The following SLC9A2 variants were observed in gnomAD, a reference collection of about 807,000 sequenced individuals.
The protein encoded by SLC9A2 is sodium/hydrogen exchanger 2.
A neutral mutation model predicts 71.7 loss-of-function variants in SLC9A2; 42 were observed. The ratio of observed to expected loss-of-function variants is 0.59; its 90% confidence interval spans 0.46 to 0.76. SLC9A2 has a LOEUF of 0.76. Among genes scored for constraint, SLC9A2 ranks in the 30% least tolerant of loss-of-function variants. The pLI, the probability that SLC9A2 is intolerant of heterozygous loss-of-function variation, is 0.00. For synonymous variants in SLC9A2, 396 were observed against 392.5 expected (o/e 1.01, Z -0.10); for missense variants, 829 against 1,017.4 (o/e 0.81, Z 2.52).
intron 7 of SLC9A2, among the ~76,000 whole-genome samples, chr2:102,697,838 T>A (rs1200670051): frequency 1.3e-5 from 2 of 151,852 alleles, no homozygotes; most frequent in African/African-American, 4.8e-5. Flanking sequence ...GGAATCCTTA[T>A]GCTGTGGATT....
At position 102,619,741 on chromosome 2, in the gene SLC9A2, C is replaced by T. The variant is rs867065800; in HGVS notation, c.-108C>T. ...CAGCAGCGGCGGGTGGCTGTCGCTG[C>T]CCTGCCCTGCACGGGGCAGGGCGGA... On this transcript the variant is annotated 5_prime_UTR_variant, in exon 1 of 12. Transcript: ENST00000233969. The surrounding 1 kb of genome is among the most constrained non-coding windows in gnomAD (Gnocchi z 4.3). 13 of 1,054,404 alleles carry T rather than the reference C, an allele frequency of 1.2e-5. No individual in the cohort carries two copies. In the Middle Eastern group the frequency reaches 2.3e-3, roughly 184 times the overall value. 65.3% of individuals were successfully genotyped at this position (1,054,404 alleles called of 1,614,324 possible).
chr2:102,677,336 C>T (rs540281806), intron 3 of SLC9A2, among the ~76,000 whole-genome samples: 1 of 152,238 alleles, frequency 6.6e-6, no homozygotes, highest in Non-Finnish European at 1.5e-5. Flanking sequence ...CTATAGCTGG[C>T]CTGAATTGTC....
At chr2:102,674,836 T>A (rs1228600883) in intron 3 of SLC9A2, among the ~76,000 whole-genome samples, 2 of 152,206 alleles carry the variant, frequency 1.3e-5, no homozygotes, top group South Asian at 2.1e-4. Context: ...CAACTTTGTG[T>A]CCCTTCATGA....
intron 1 of SLC9A2, among the ~76,000 whole-genome samples, chr2:102,650,292 G>A (rs1254847693): frequency 6.6e-6 from 1 of 152,026 alleles, no homozygotes; most frequent in East Asian, 1.9e-4. Context: ...ACACAGAGAG[G>A]GCCTTGAACA....
chr2:102,704,096 C>A (rs1043283859), intron 9 of SLC9A2, among the ~76,000 whole-genome samples: 7 of 152,122 alleles, frequency 4.6e-5, no homozygotes, highest in African/African-American at 1.7e-4. Flanking sequence ...TTGATGAAAT[C>A]AATCATTGTT....
rs1165586014 is a variant in SLC9A2 at position 102,706,343 on chromosome 2, A to G, written c.2068+407A>G. 2.1e-4 allele frequency among the ~76,000 whole-genome samples: 3 copies of G among 14,516 alleles called. 1 individual carries two copies. The highest frequency in any genetic ancestry group is 5.1e-3 in the East Asian group (2 of 394). 9.5% of individuals were successfully genotyped at this position (14,516 alleles called of 152,430 possible). On this transcript the variant is annotated intron_variant, in intron 11 of 11. Coordinates refer to ENST00000233969, the MANE Select transcript of SLC9A2 (RefSeq NM_003048.6). ...TCCGTCTCAAAAAAAAAAAAAAAAA[A>G]AAAAGAAAAAAAAAAAAAGAATGAG...
In SLC9A2 at chr2:102,705,858, A is replaced by T. The variant is rs201372565; in HGVS notation, c.1990A>T (p.Thr664Ser). 2 of 1,594,742 alleles carry T rather than the reference A, an allele frequency of 1.3e-6. No homozygotes were observed. Among genetic ancestry groups the T allele is most frequent in the Non-Finnish European group, 8.5e-7 (1 of 1,170,270 alleles). ...ATTTCTTTTACAGGCTTCCACTTCAACCTCCCGATATTTATCCTTACCTAA... is the reference window on the plus strand; with the variant it reads ...ATTTCTTTTACAGGCTTCCACTTCATCCTCCCGATATTTATCCTTACCTAA... The part of the protein sequence containing the change: ...LNREHRASTS[T>S]SRYLSLPKNT... The change falls in exon 11 of 12, where the codon ACC becomes TCC. Residue 664 changes from threonine to serine, a missense_variant. Physicochemically the swap from Thr to Ser is moderately conservative, Grantham distance 58. This residue lies in a region of SLC9A2 where 223 missense variants were observed against 197.5 expected (regional missense o/e 1.13). Coordinates refer to ENST00000233969, the MANE Select transcript of SLC9A2 (RefSeq NM_003048.6).
Position 102,619,985 on chromosome 2 carries a change from G to A in SLC9A2, c.137G>A (p.Ser46Asn). ...AACGCGCCGAGGGCCATGGGCACCA[G>A]TTCCAGCCCGCCTAGCCCTGCGAGC... is the stretch of plus-strand genomic sequence containing the variant. ...LLNAPRAMGT[S>N]SSPPSPASVV... Residue 46 changes from serine (S) to asparagine (N), a missense_variant, in exon 1 of 12, where the codon AGT (serine) becomes AAT (asparagine). Ser to Asn is a conservative substitution (Grantham distance 46). This residue lies in a region of SLC9A2 where 106 missense variants were observed against 93.5 expected (regional missense o/e 1.13). Coordinates refer to ENST00000233969, the MANE Select transcript of SLC9A2 (RefSeq NM_003048.6). This position sits in a 1 kb window ranked among gnomAD's most constrained non-coding sequence, Gnocchi z 4.3. The A allele has an allele frequency of 6.2e-7, 1 of 1,613,926 alleles. No individual in the cohort carries two copies. The highest frequency in any genetic ancestry group is 8.5e-7 in the Non-Finnish European group (1 of 1,179,960).
intron 3 of SLC9A2, among the ~76,000 whole-genome samples, chr2:102,673,822 T>C (rs1410280114): frequency 6.6e-6 from 1 of 151,632 alleles, no homozygotes; most frequent in Non-Finnish European, 1.5e-5. Context: ...AGTCTCACTC[T>C]GTCGCCCAGG....
intron 8 of SLC9A2, 43 bp downstream of exon 8, chr2:102,701,274 G>T: frequency 1.5e-6 from 2 of 1,359,006 alleles, no homozygotes; most frequent in African/African-American, 1.5e-5. Flanking sequence ...TGTTAAATAG[G>T]CATTGATAGT....
At chr2:102,697,098 T>G (rs539155286) in intron 7 of SLC9A2, among the ~76,000 whole-genome samples, 103 of 152,278 alleles carry the variant, frequency 6.8e-4, no homozygotes, top group African/African-American at 2.3e-3. Context: ...ATCCCCTCAG[T>G]ACTTTTCTGA....
intron 1 of SLC9A2, among the ~76,000 whole-genome samples, chr2:102,626,538 A>G (rs897436946): frequency 6.6e-6 from 1 of 152,216 alleles, no homozygotes; most frequent in African/African-American, 2.4e-5. Context: ...TAAAACACCG[A>G]AAGCAATGGC....
chr2:102,670,481 A>G (rs949744061), intron 3 of SLC9A2, among the ~76,000 whole-genome samples: 7 of 151,898 alleles, frequency 4.6e-5, no homozygotes, highest in African/African-American at 1.5e-4. Context: ...GAATAAATAA[A>G]TCGAGGCCCA....
intron 3 of SLC9A2, among the ~76,000 whole-genome samples, chr2:102,680,750 G>A (rs1254802864): frequency 1.3e-5 from 2 of 152,194 alleles, no homozygotes; most frequent in Non-Finnish European, 2.9e-5. Flanking sequence ...CTTTGTGGAT[G>A]TGATTAGGTG....
chr2:102,684,100 A>G, intron 4 of SLC9A2, 34 bp from the exon 5 acceptor site: 2 of 1,564,136 alleles, frequency 1.3e-6, no homozygotes, highest in Middle Eastern at 1.7e-4. Context: ...GGCCTCACCC[A>G]GTCTGTTTCC....
chr2:102,655,122 GT>G (rs1172348237), intron 1 of SLC9A2, among the ~76,000 whole-genome samples: 2 of 151,572 alleles, frequency 1.3e-5, no homozygotes, highest in East Asian at 3.9e-4. Flanking sequence ...TTTAAAAATG[GT>G]TTTTTTGTAA....
chr2:102,646,036 T>C lies in SLC9A2; in HGVS notation c.290-11528T>C, dbSNP rs372551002. On this transcript the variant is annotated intron_variant, in intron 1 of 11. Coordinates refer to ENST00000233969, the MANE Select transcript of SLC9A2 (RefSeq NM_003048.6). ...CAAGGTTGAAATGAAAGAAAAAATA[T>C]TAAGGGCAGCCAGAGAGAAAGATCA... Among the ~76,000 whole-genome samples, 175 of 152,082 alleles carry C rather than the reference T, an allele frequency of 1.2e-3. 5 individuals carry two copies. In the South Asian group the frequency reaches 0.036, roughly 31 times the overall value.
Position 102,706,093 on chromosome 2 carries a change from G to A in SLC9A2, c.2068+157G>A, listed in dbSNP as rs1436999608. ...CCAGCACTTTGGGAGGCCGAGGCGG[G>A]TGGATCACGAGGTCAGGAGATCGAG... On this transcript the variant is annotated intron_variant, in intron 11 of 11. Coordinates refer to ENST00000233969, the MANE Select transcript of SLC9A2 (RefSeq NM_003048.6). Among the ~76,000 whole-genome samples, 4 of 60,708 alleles carry A rather than the reference G, an allele frequency of 6.6e-5. 2 individuals are homozygous for A. Among genetic ancestry groups the A allele is most frequent in the Non-Finnish European group, 1.4e-4 (4 of 27,696 alleles). The allele number at this position is 60,708 out of a possible 152,430, so 39.8% of individuals were successfully genotyped here.
chr2:102,649,600 A>G (rs938681753), intron 1 of SLC9A2, among the ~76,000 whole-genome samples: 3 of 152,134 alleles, frequency 2.0e-5, no homozygotes, highest in African/African-American at 7.3e-5. Flanking sequence ...TCCAGAATCT[A>G]TAAGGAACTT....
Sources: allele counts gnomAD v4.1 joint callset (sites outside exome capture counted in the v4.1 genomes callset), GRCh38; gene constraint gnomAD v4.1.1; regional missense constraint gnomAD v4.1.1; non-coding constraint Gnocchi (gnomAD v3.1); transcripts MANE v1.5; gene names NCBI Gene and HGNC (gene_info 2026-07-23, HGNC 2026-07-21).